Variants in FAS observed in about 807,000 individuals in gnomAD.
FAS encodes the protein Fas cell surface death receptor, also known as tumor necrosis factor receptor superfamily member 6.
A neutral mutation model predicts 33.2 loss-of-function variants in FAS; 5 were observed. The observed-to-expected ratio is 0.15, with a 90% CI of 0.08 to 0.32. The LOEUF (loss-of-function observed/expected upper bound fraction) is 0.32, where lower values mean the gene tolerates loss of function less well. FAS is among the 10% of genes least tolerant of loss of function. FAS has a pLI of 1.00. For synonymous variants in FAS, 131 were observed against 130.7 expected (o/e 1.00, Z -0.01); for missense variants, 339 against 386.0 (o/e 0.88, Z 1.02).
chr10:89,015,253 T>C lies in FAS; in HGVS notation c.*803T>C, dbSNP rs1240310082. The C allele has an allele frequency of 3.7e-6, 2 of 534,746 alleles. No homozygotes were observed. The highest frequency in any genetic ancestry group is 7.8e-5 in the East Asian group (2 of 25,724). 33.1% of individuals were successfully genotyped at this position (534,746 alleles called of 1,614,324 possible). A position where few individuals can be genotyped will look rare whatever the true frequency, so the allele number is the denominator to read the frequency against. Reference sequence around the variant, plus strand: ...TAATGGCCTAATGCACCCCCAAACATGGAAATATCACCAAAAAATACTTAA... The same window carrying C: ...TAATGGCCTAATGCACCCCCAAACACGGAAATATCACCAAAAAATACTTAA... On this transcript the variant is annotated 3_prime_UTR_variant, in exon 9 of 9. Transcript: ENST00000652046.
intron 2 of FAS, among the ~76,000 whole-genome samples, chr10:89,003,464 A>T (rs1564686991): frequency 6.6e-6 from 1 of 152,194 alleles, no homozygotes; most frequent in South Asian, 2.1e-4. Context: ...TTTTTTTCTA[A>T]GCAAAAATGA....
At chr10:88,979,557 C>T (rs1846658152) in intron 2 of FAS, among the ~76,000 whole-genome samples, 1 of 152,074 alleles carries the variant, frequency 6.6e-6, no homozygotes, top group African/African-American at 2.4e-5. Context: ...ATGTGAGAGT[C>T]TCACACTAGG....
At chr10:88,970,375 A>G (rs1846406412) in intron 1 of FAS, among the ~76,000 whole-genome samples, 1 of 152,016 alleles carries the variant, frequency 6.6e-6, no homozygotes, top group Non-Finnish European at 1.5e-5. Context: ...AATGCAGCAA[A>G]TTGCTGTGCC....
intron 1 of FAS, among the ~76,000 whole-genome samples, chr10:88,971,646 C>G (rs1025842606): frequency 2.6e-4 from 39 of 152,116 alleles, no homozygotes; most frequent in African/African-American, 8.9e-4. Flanking sequence ...TTTTGCTGCT[C>G]TTTTTTGTTG....
chr10:88,968,925 G>A (rs1182666999), intron 1 of FAS, among the ~76,000 whole-genome samples: 1 of 152,116 alleles, frequency 6.6e-6, no homozygotes, highest in South Asian at 2.1e-4. Context: ...AGAACTTTGT[G>A]TAGGTTTGGT....
At chr10:89,005,958 A>T (rs1260361040) in intron 2 of FAS, among the ~76,000 whole-genome samples, 1 of 152,190 alleles carries the variant, frequency 6.6e-6, no homozygotes, top group Non-Finnish European at 1.5e-5. Context: ...AGTTCTTATT[A>T]TACTTTCCTG....
At position 88,973,397 on chromosome 10, in the gene FAS, T is replaced by C; in HGVS notation, n.260+50T>C. 2.2e-6 allele frequency: 3 copies of C among 1,371,336 alleles called. No homozygotes were observed. The South Asian group carries it at 5.5e-5, about 25-fold the overall frequency. 84.9% of individuals were successfully genotyped at this position (1,371,336 alleles called of 1,614,324 possible). A position where few individuals can be genotyped will look rare whatever the true frequency, so the allele number is the denominator to read the frequency against. On this transcript the variant is annotated intron_variant and non_coding_transcript_variant, in intron 2 of 3. Transcript: ENST00000688239. ...CAATTGTGAAAATCTTTCATAGAGTTCCCGATGAAAACAACTCTTTCTTGT... is the reference window on the plus strand; with the variant it reads ...CAATTGTGAAAATCTTTCATAGAGTCCCCGATGAAAACAACTCTTTCTTGT...
chr10:89,015,155 A>T lies in FAS; in HGVS notation c.*705A>T. On this transcript the variant is annotated 3_prime_UTR_variant, in exon 9 of 9. Coordinates refer to ENST00000652046, the MANE Select transcript of FAS (RefSeq NM_000043.6). Reference sequence around the variant, plus strand: ...AAAACTACCTACTTCTTTCTCAGGCATCAAAAGCATTTTGAGCAGGAGAGT... The same window carrying T: ...AAAACTACCTACTTCTTTCTCAGGCTTCAAAAGCATTTTGAGCAGGAGAGT... 1.9e-6 allele frequency: 1 copy of T among 534,918 alleles called. No individual in the cohort carries two copies. The highest frequency in any genetic ancestry group is 3.6e-6 in the Non-Finnish European group (1 of 276,720). The allele number at this position is 534,918 out of a possible 1,614,324, so 33.1% of individuals were successfully genotyped here.
upstream of FAS, among the ~76,000 whole-genome samples, chr10:88,982,828 C>A (rs1283695937): frequency 6.6e-6 from 1 of 152,100 alleles, no homozygotes; most frequent in Admixed American, 6.5e-5. Context: ...CTACATTTCC[C>A]ATCTACTACC....
At chr10:88,973,412 CTCTT>C (rs1846493847) in intron 2 of FAS, 1 of 1,290,902 alleles carries the variant, frequency 7.7e-7, no homozygotes, top group Admixed American at 2.9e-5. Context: ...ATGAAAACAA[CTCTT>C]TCTTGTTAGC....
intron 1 of FAS, among the ~76,000 whole-genome samples, chr10:88,970,017 A>G (rs1388813230): frequency 6.6e-6 from 1 of 152,254 alleles, no homozygotes; most frequent in African/African-American, 2.4e-5. Flanking sequence ...GGCAGACGTC[A>G]GATGTAACCA....
chr10:88,993,317 T>TTA (rs397953719), intron 1 of FAS, among the ~76,000 whole-genome samples: 2 of 151,854 alleles, frequency 1.3e-5, no homozygotes, highest in African/African-American at 2.4e-5. Flanking sequence ...TTTTTTTTTT[T>TTA]ATTGTGCATG....
chr10:89,008,772 C>A, intron 3 of FAS, 117 bp from the exon 4 acceptor site: 1 of 911,208 alleles, frequency 1.1e-6, no homozygotes, highest in Non-Finnish European at 1.8e-6. Flanking sequence ...TGGTGTCATG[C>A]TGTGACTGTT....
intron 2 of FAS, among the ~76,000 whole-genome samples, chr10:88,975,870 G>C (rs550644264): frequency 3.9e-5 from 6 of 152,226 alleles, no homozygotes; most frequent in African/African-American, 1.4e-4. Flanking sequence ...TCAGTATACA[G>C]TACTACTCCC....
chr10:88,976,202 GC>G (rs749872955), intron 2 of FAS, among the ~76,000 whole-genome samples: 1 of 151,906 alleles, frequency 6.6e-6, no homozygotes, highest in Non-Finnish European at 1.5e-5. Flanking sequence ...TAGCTGATGA[GC>G]TAAAAAAAAA....
At chr10:88,969,869 C>A (rs1332539708) in intron 1 of FAS, among the ~76,000 whole-genome samples, 2 of 152,136 alleles carry the variant, frequency 1.3e-5, no homozygotes, top group African/African-American at 4.8e-5. Flanking sequence ...ATAGGAGGGG[C>A]TCAGTAAATA....
rs1589439985 is a variant in FAS at position 88,990,997 on chromosome 10, C to A, written c.30+91C>A. 5.8e-6 allele frequency: 9 copies of A among 1,561,816 alleles called. No homozygotes were observed. Among genetic ancestry groups the A allele is most frequent in the Admixed American group, 1.7e-5 (1 of 57,998 alleles). On this transcript the variant is annotated intron_variant, in intron 1 of 8. Coordinates refer to ENST00000652046, the MANE Select transcript of FAS (RefSeq NM_000043.6). The surrounding 1 kb of genome is among the most constrained non-coding windows in gnomAD (Gnocchi z 4.9). ...CGGGCGCGGGACGCGTGCGGGATTGCGGCGGCAGCGGCGCACGCGGGCACC... is the reference window on the plus strand; with the variant it reads ...CGGGCGCGGGACGCGTGCGGGATTGAGGCGGCAGCGGCGCACGCGGGCACC...
intron 1 of FAS, chr10:88,991,131 G>A (rs960154786): frequency 1.1e-5 from 7 of 623,762 alleles, no homozygotes; most frequent in African/African-American, 1.1e-4. Flanking sequence ...GCTTTTCTTG[G>A]GCCTTGATGC....
chr10:88,972,358 T>C (rs193079109), intron 1 of FAS, among the ~76,000 whole-genome samples: 2 of 152,348 alleles, frequency 1.3e-5, no homozygotes, highest in African/African-American at 4.8e-5. Context: ...GTAATAGTAA[T>C]TGATGTCACA....
Sources: gnomAD v4.1 joint callset for allele counts (sites outside exome capture counted in the v4.1 genomes callset) on GRCh38, gnomAD v4.1.1 for gene constraint, Gnocchi (gnomAD v3.1) non-coding constraint, MANE v1.5 for transcripts, NCBI Gene and HGNC (gene_info 2026-07-23, HGNC 2026-07-21) for gene names.